Variants in UBP1 observed in about 807,000 individuals in gnomAD.
UBP1 encodes the protein upstream binding protein 1, also known as upstream-binding protein 1.
Under a neutral mutation model 76.1 loss-of-function variants are expected in UBP1, and 22 were observed. The ratio of observed to expected loss-of-function variants is 0.29; its 90% CI spans 0.21 to 0.41. The LOEUF is 0.41. UBP1 is among the 10% of genes least tolerant of loss of function. The pLI, the probability that UBP1 is intolerant of heterozygous loss-of-function variation, is 1.00. For synonymous variants in UBP1, 224 were observed against 237.1 expected (o/e 0.94, Z 0.51); for missense variants, 436 against 668.1 (o/e 0.65, Z 3.83).
chr3:33,422,761 A>AG (rs956241740), intron 2 of UBP1, among the ~76,000 whole-genome samples: 3 of 100,580 alleles, frequency 3.0e-5, no homozygotes, highest in Non-Finnish European at 5.8e-5. Context: ...GGAGAGGAGG[A>AG]GGGGGGGAGA....
At position 33,408,810 on chromosome 3, in the gene UBP1, C is replaced by A; in HGVS notation, c.820-13G>T. ...GCTCAAGCCTCATCTGGACAAACAC[C>A]AAAGATTGGGATCAATGTCTTTTCA... On this transcript the variant is annotated splice_polypyrimidine_tract_variant and intron_variant, in intron 7 of 15. Transcript: ENST00000283629. 1 of 1,604,578 alleles carries A rather than the reference C, an allele frequency of 6.2e-7. No individual in the cohort carries two copies. The highest frequency in any genetic ancestry group is 8.5e-7 in the Non-Finnish European group (1 of 1,171,880).
chr3:33,412,597 A>T, intron 4 of UBP1, 125 bp downstream of exon 4: 1 of 638,400 alleles, frequency 1.6e-6, no homozygotes. Context: ...AAAAAAAAAA[A>T]GACACAAAAT....
rs1023886937 is a variant in UBP1 at position 33,412,835 on chromosome 3, A to G, written c.343-8T>C. 11 of 1,597,964 alleles carry G rather than the reference A, an allele frequency of 6.9e-6. No homozygotes were observed. Among genetic ancestry groups the G allele is most frequent in the East Asian group, 2.2e-5 (1 of 44,822 alleles). ...TACAACCCTTATGATGCTCTGTGGAATAAGTGCGGAAAATGAGTACTTTTA... is the reference window on the plus strand; with the variant it reads ...TACAACCCTTATGATGCTCTGTGGAGTAAGTGCGGAAAATGAGTACTTTTA... On this transcript the variant is annotated splice_polypyrimidine_tract_variant and splice_region_variant and intron_variant, in intron 3 of 15. Coordinates refer to ENST00000283629, the MANE Select transcript of UBP1 (RefSeq NM_014517.5).
intron 6 of UBP1, 50 bp downstream of exon 6, chr3:33,409,399 A>T (rs1453015193): frequency 6.2e-7 from 1 of 1,613,750 alleles, no homozygotes; most frequent in Non-Finnish European, 8.5e-7. Context: ...ACACAGCTTT[A>T]CAGGCAAAAC....
At chr3:33,433,084 G>C (rs371858636) in intron 1 of UBP1, among the ~76,000 whole-genome samples, 93 of 150,004 alleles carry the variant, frequency 6.2e-4, no homozygotes, top group African/African-American at 2.2e-3. Context: ...TTTTTGAGAC[G>C]GAGTCTCACT....
chr3:33,415,392 C>T (rs1455787590), intron 3 of UBP1, among the ~76,000 whole-genome samples: 2 of 152,098 alleles, frequency 1.3e-5, no homozygotes, highest in Non-Finnish European at 2.9e-5. Flanking sequence ...GTTAAAATTA[C>T]AAATTAGTAA....
rs2043615480 is a variant in UBP1 at position 33,388,655 on chromosome 3, T to C, written c.*1676A>G. 1 of 152,118 alleles carries C rather than the reference T, an allele frequency of 6.6e-6. No homozygotes were observed. The highest frequency in any genetic ancestry group is 1.5e-5 in the Non-Finnish European group (1 of 68,032). 9.4% of individuals were successfully genotyped at this position (152,118 alleles called of 1,614,324 possible). Reference sequence around the variant, plus strand: ...AAACAAACGAGATAAACTCACTTCTTTCCCCAGTGACTGGTACAGAAAACA... The same window carrying C: ...AAACAAACGAGATAAACTCACTTCTCTCCCCAGTGACTGGTACAGAAAACA... On this transcript the variant is annotated 3_prime_UTR_variant, in exon 16 of 16. Coordinates refer to ENST00000283629, the MANE Select transcript of UBP1 (RefSeq NM_014517.5).
rs750550507 is a variant in UBP1 at position 33,400,184 on chromosome 3, C to T, written c.1180+5G>A. 6.4e-7 allele frequency: 1 copy of T among 1,573,306 alleles called. No individual in the cohort carries two copies. The highest frequency in any genetic ancestry group is 8.6e-7 in the Non-Finnish European group (1 of 1,161,962). On this transcript the variant is annotated splice_donor_5th_base_variant and intron_variant, in intron 11 of 15. Transcript: ENST00000283629. ...ATGCACAGATACACACACACATACA[C>T]ATACCTGAAAAATTAGAGAACAGTC...
chr3:33,421,440 T>C lies in UBP1; in HGVS notation c.265+4150A>G, dbSNP rs1450222877. On this transcript the variant is annotated intron_variant, in intron 2 of 15. Coordinates refer to ENST00000283629, the MANE Select transcript of UBP1 (RefSeq NM_014517.5). Reference sequence around the variant, plus strand: ...GGCGTGCGCCACCATGCTCAGCTACTTTTGTATTTTCAGTAGAGATGGTTT... The same window carrying C: ...GGCGTGCGCCACCATGCTCAGCTACCTTTGTATTTTCAGTAGAGATGGTTT... Among the ~76,000 whole-genome samples the C allele has an allele frequency of 5.3e-5, 8 of 152,128 alleles. No homozygotes were observed. The East Asian group carries it at 5.8e-4, about 11-fold the overall frequency.
chr3:33,412,252 G>C (rs889633428), intron 4 of UBP1, among the ~76,000 whole-genome samples: 2 of 150,242 alleles, frequency 1.3e-5, no homozygotes, highest in Non-Finnish European at 3.0e-5. Context: ...TAAAATTCCA[G>C]GTTCACATTA....
chr3:33,396,958 C>A, intron 12 of UBP1, 87 bp downstream of exon 12: 1 of 1,219,064 alleles, frequency 8.2e-7, no homozygotes, highest in Non-Finnish European at 1.2e-6. Context: ...CACACGCCAA[C>A]CTAGCGTGGA....
intron 7 of UBP1, among the ~76,000 whole-genome samples, 186 bp from the exon 8 acceptor site, chr3:33,408,983 G>A (rs1170826054): frequency 1.3e-5 from 2 of 152,116 alleles, no homozygotes; most frequent in Non-Finnish European, 2.9e-5. Context: ...TAAGTCTCTT[G>A]CCAACTTCAA....
intron 2 of UBP1, among the ~76,000 whole-genome samples, chr3:33,420,488 CTTTTTTTT>C (rs749437546): frequency 8.3e-6 from 1 of 120,616 alleles, no homozygotes; most frequent in East Asian, 2.4e-4. Flanking sequence ...ACCATACTGG[CTTTTTTTT>C]TTTTTTTTTT....
chr3:33,426,038 T>TC (rs2045011370), intron 1 of UBP1, among the ~76,000 whole-genome samples: 2 of 83,186 alleles, frequency 2.4e-5, no homozygotes, highest in Non-Finnish European at 4.6e-5. Flanking sequence ...TATATATATA[T>TC]AGCACTTTAA....
chr3:33,426,540 T>C (rs918184755), intron 1 of UBP1, among the ~76,000 whole-genome samples: 2 of 152,168 alleles, frequency 1.3e-5, no homozygotes, highest in Admixed American at 6.5e-5. Context: ...TCCAAAATAT[T>C]TTCTCCCCTC....
chr3:33,430,029 G>A (rs539314424), intron 1 of UBP1, among the ~76,000 whole-genome samples: 1 of 152,334 alleles, frequency 6.6e-6, no homozygotes, highest in South Asian at 2.1e-4. Flanking sequence ...ATAGAGAACT[G>A]TTTAGTAATG....
At chr3:33,411,955 G>A (rs2044594439) in intron 4 of UBP1, among the ~76,000 whole-genome samples, 1 of 152,074 alleles carries the variant, frequency 6.6e-6, no homozygotes, top group African/African-American at 2.4e-5. Context: ...GGGAGGCCAA[G>A]GCAGGTGGAT....
At chr3:33,398,866 C>T (rs183346545) in intron 11 of UBP1, among the ~76,000 whole-genome samples, 6 of 152,276 alleles carry the variant, frequency 3.9e-5, no homozygotes, top group East Asian at 3.9e-4. Context: ...CCCAGCTCCC[C>T]GACCCTGAAA....
At position 33,394,817 on chromosome 3, in the gene UBP1, GTT is replaced by G. The variant is rs76142927; in HGVS notation, c.1390+1343_1390+1344del. 2.7e-4 allele frequency among the ~76,000 whole-genome samples: 30 copies of G among 110,402 alleles called. 1 individual carries two copies. Among genetic ancestry groups the G allele is most frequent in the Non-Finnish European group, 3.4e-4 (16 of 47,482 alleles). 72.4% of individuals were successfully genotyped at this position (110,402 alleles called of 152,430 possible). A position where few individuals can be genotyped will look rare whatever the true frequency, so the allele number is the denominator to read the frequency against. On this transcript the variant is annotated intron_variant, in intron 13 of 15. Coordinates refer to ENST00000283629, the MANE Select transcript of UBP1 (RefSeq NM_014517.5). ...ATGGGCCAATTCCTGCCCTCCACTT[GTT>G]TTTTTTTTTTTTTTTTTTAAATAAA...
Sources: allele counts gnomAD v4.1 joint callset (sites outside exome capture counted in the v4.1 genomes callset), GRCh38; gene constraint gnomAD v4.1.1; transcripts MANE v1.5; gene names NCBI Gene and HGNC (gene_info 2026-07-23, HGNC 2026-07-21).